Variants in TACR3 observed in about 807,000 individuals in gnomAD.
TACR3 encodes the protein tachykinin receptor 3.
A neutral mutation model predicts 35.0 loss-of-function variants in TACR3; 34 were observed. The ratio of observed to expected loss-of-function variants is 0.97; its 90% CI spans 0.74 to 1.30. The LOEUF is 1.30. TACR3 is among the 50% of genes most tolerant of loss of function. The pLI, the probability that TACR3 is intolerant of heterozygous loss-of-function variation, is 0.00. For missense variants in TACR3, 558 were observed against 591.7 expected (o/e 0.94, Z 0.59); for synonymous variants, 233 against 221.1 (o/e 1.05, Z -0.48).
intron 1 of TACR3, among the ~76,000 whole-genome samples, chr4:103,682,058 C>A (rs1221488546): frequency 6.6e-6 from 1 of 152,096 alleles, no homozygotes; most frequent in Non-Finnish European, 1.5e-5. Context: ...AACTTAGTAG[C>A]TTAATACTTT....
Position 103,719,558 on chromosome 4 carries a change from C to T in TACR3, c.118G>A (p.Gly40Arg), listed in dbSNP as rs1462471522. 4 of 1,608,462 alleles carry T rather than the reference C, an allele frequency of 2.5e-6. No individual in the cohort carries two copies. In the East Asian group the frequency reaches 6.7e-5, roughly 27 times the overall value. Residue 40 changes from glycine (G) to arginine (R), a missense_variant, in exon 1 of 5, where the codon GGG (glycine) becomes AGG (arginine). Coordinates refer to ENST00000304883, the MANE Select transcript of TACR3 (RefSeq NM_001059.3). ...GCTTGGTCCAGCAGTTGCAGCCACC[C>T]AGTCTCAACTGCCCCCGTGGCCGCC... ...AGAATGAVETGWLQLLDQAGN... is the reference protein window; with the variant it reads ...AGAATGAVETRWLQLLDQAGN...
intron 1 of TACR3, among the ~76,000 whole-genome samples, chr4:103,677,502 A>G (rs1201627646): frequency 6.6e-6 from 1 of 152,232 alleles, no homozygotes; most frequent in African/African-American, 2.4e-5. Context: ...TGTGGTACAT[A>G]TACCACGGAA....
chr4:103,637,750 C>A (rs1473939030), intron 3 of TACR3, among the ~76,000 whole-genome samples: 1 of 152,132 alleles, frequency 6.6e-6, no homozygotes. Flanking sequence ...TCTCAGGATA[C>A]AAAATCAATG....
chr4:103,606,751 A>G (rs998078748), intron 3 of TACR3, among the ~76,000 whole-genome samples: 16 of 152,134 alleles, frequency 1.1e-4, no homozygotes, highest in Non-Finnish European at 1.9e-4. Flanking sequence ...TAGATATACA[A>G]TCATGTCATC....
At chr4:103,641,453 A>G (rs188749999) in intron 3 of TACR3, among the ~76,000 whole-genome samples, 7 of 152,122 alleles carry the variant, frequency 4.6e-5, no homozygotes, top group African/African-American at 1.7e-4. Context: ...TAGAATGGCT[A>G]TTTAAAAAAT....
chr4:103,629,862 A>AAAAAAAAAAAAAAAAAAAC (rs1725011576), intron 3 of TACR3, among the ~76,000 whole-genome samples: 14 of 111,556 alleles, frequency 1.3e-4, no homozygotes, highest in South Asian at 2.8e-4. Flanking sequence ...AAAAAAAAAC[A>AAAAAAAAAAAAAAAAAAAC]AAAAAAAAAC....
intron 3 of TACR3, among the ~76,000 whole-genome samples, chr4:103,603,934 A>G (rs1724275869): frequency 1.3e-5 from 2 of 152,240 alleles, no homozygotes; most frequent in African/African-American, 4.8e-5. Flanking sequence ...ATGGATAGGA[A>G]GAATCAGTAT....
intron 1 of TACR3, among the ~76,000 whole-genome samples, chr4:103,703,787 G>A (rs1722719491): frequency 6.6e-6 from 1 of 151,946 alleles, no homozygotes; most frequent in South Asian, 2.1e-4. Context: ...GAAGATGAAG[G>A]AACTTTGGGT....
chr4:103,621,211 A>G (rs1450338326), intron 3 of TACR3, among the ~76,000 whole-genome samples: 2 of 152,182 alleles, frequency 1.3e-5, no homozygotes, highest in East Asian at 3.8e-4. Context: ...GCAGTGGGGG[A>G]AAGCAGGGAC....
chr4:103,619,200 T>A (rs1329289497), intron 3 of TACR3, among the ~76,000 whole-genome samples: 3 of 148,118 alleles, frequency 2.0e-5, no homozygotes, highest in Admixed American at 2.0e-4. Flanking sequence ...TGACTTCCTA[T>A]TTTTTTTTTG....
intron 3 of TACR3, among the ~76,000 whole-genome samples, chr4:103,652,645 G>T (rs771832778): frequency 2.8e-4 from 42 of 152,176 alleles, no homozygotes; most frequent in Admixed American, 1.7e-3. Context: ...GCTTCTATTT[G>T]ACCATCCTGC....
intron 3 of TACR3, among the ~76,000 whole-genome samples, chr4:103,634,326 A>G (rs1725132817): frequency 6.6e-6 from 1 of 152,092 alleles, no homozygotes; most frequent in Non-Finnish European, 1.5e-5. Flanking sequence ...TTCTGGCAAA[A>G]TGATTTTTCT....
intron 1 of TACR3, among the ~76,000 whole-genome samples, chr4:103,717,943 G>C (rs1036785402): frequency 6.6e-6 from 1 of 152,048 alleles, no homozygotes; most frequent in Non-Finnish European, 1.5e-5. Context: ...GTGTGATTTT[G>C]TGTTTATTTA....
chr4:103,682,596 T>G (rs1411996279), intron 1 of TACR3, among the ~76,000 whole-genome samples: 1 of 152,026 alleles, frequency 6.6e-6, no homozygotes, highest in Non-Finnish European at 1.5e-5. Flanking sequence ...GGATTACAAT[T>G]TGAGGTGAGA....
At chr4:103,628,736 C>T (rs1033774702) in intron 3 of TACR3, among the ~76,000 whole-genome samples, 4 of 152,186 alleles carry the variant, frequency 2.6e-5, no homozygotes, top group Non-Finnish European at 5.9e-5. Context: ...GGAGCTGGTA[C>T]CATTCCTTGT....
intron 3 of TACR3, among the ~76,000 whole-genome samples, chr4:103,623,133 G>A (rs1467668514): frequency 6.6e-6 from 1 of 151,858 alleles, no homozygotes; most frequent in Non-Finnish European, 1.5e-5. Context: ...GAGGATTTAA[G>A]ATACATTATT....
At chr4:103,617,355 C>T (rs1560808515) in intron 3 of TACR3, among the ~76,000 whole-genome samples, 1 of 152,026 alleles carries the variant, frequency 6.6e-6, no homozygotes, top group Admixed American at 6.6e-5. Flanking sequence ...TAAATCAATA[C>T]AAAACATTTC....
chr4:103,616,929 CAG>C (rs1724672870), intron 3 of TACR3, among the ~76,000 whole-genome samples: 1 of 152,158 alleles, frequency 6.6e-6, no homozygotes, highest in South Asian at 2.1e-4. Context: ...ACCTGGTAAA[CAG>C]AGCAAGACCT....
At chr4:103,656,431 A>C in intron 2 of TACR3, 87 bp from the exon 3 acceptor site, 3 of 1,277,566 alleles carry the variant, frequency 2.3e-6, no homozygotes, top group Non-Finnish European at 2.2e-6. Flanking sequence ...AATCATAATT[A>C]AAACTACCAA....
Sources: gnomAD v4.1 joint callset for allele counts (sites outside exome capture counted in the v4.1 genomes callset) on GRCh38, gnomAD v4.1.1 for gene constraint, MANE v1.5 for transcripts, NCBI Gene and HGNC (gene_info 2026-07-23, HGNC 2026-07-21) for gene names.